The following UHRF1 variants were observed in gnomAD, a reference collection of about 807,000 sequenced individuals.
The protein encoded by UHRF1 is ubiquitin like with PHD and ring finger domains 1, also known as E3 ubiquitin-protein ligase UHRF1.
In UHRF1, 9 loss-of-function variants were observed where a neutral mutation model predicts 96.5. The observed-to-expected ratio is 0.09, with a 90% CI of 0.06 to 0.16. The LOEUF (loss-of-function observed/expected upper bound fraction) is 0.16, where lower values mean the gene tolerates loss of function less well. Ranked by LOEUF, UHRF1 falls within the 10% of genes least tolerant of loss-of-function variation. The pLI is 1.00. For missense variants in UHRF1, 626 were observed against 1,131.1 expected (o/e 0.55, Z 6.40); for synonymous variants, 455 against 469.9 (o/e 0.97, Z 0.41).
chr19:4,955,112 C>T (rs1179284819), intron 15 of UHRF1, among the ~76,000 whole-genome samples: 7 of 152,104 alleles, frequency 4.6e-5, no homozygotes, highest in Non-Finnish European at 8.8e-5. Context: ...AGCTCCGGCA[C>T]CCCCTGCCAT....
chr19:4,956,593 G>T (rs1466883527), intron 15 of UHRF1, 116 bp from the exon 16 acceptor site: 1 of 703,186 alleles, frequency 1.4e-6, no homozygotes, highest in African/African-American at 1.8e-5. Context: ...CCGCCTCCTG[G>T]AGTGAAGGCT....
intron 2 of UHRF1, among the ~76,000 whole-genome samples, chr19:4,917,652 CAAAAAA>C (rs754990585): frequency 5.8e-5 from 2 of 34,350 alleles, no homozygotes; most frequent in East Asian, 1.2e-3. Flanking sequence ...GACTCCGTCT[CAAAAAA>C]AAAAAAAAAA....
intron 1 of UHRF1, 104 bp downstream of exon 1, chr19:4,909,759 C>T: frequency 2.1e-6 from 1 of 480,034 alleles, no homozygotes; most frequent in Non-Finnish European, 3.6e-6. Context: ...CACGCATGTC[C>T]CGCACTCTGT....
chr19:4,957,478 T>G (rs1205349778), intron 16 of UHRF1, among the ~76,000 whole-genome samples: 1 of 151,768 alleles, frequency 6.6e-6, no homozygotes, highest in Non-Finnish European at 1.5e-5. Flanking sequence ...CCGGCTAATT[T>G]TTTGTATTTT....
chr19:4,917,111 G>GTTGTTTTTTT (rs1568408733), intron 2 of UHRF1, among the ~76,000 whole-genome samples: 1 of 77,190 alleles, frequency 1.3e-5, no homozygotes, highest in Non-Finnish European at 2.3e-5. Flanking sequence ...TTAAGTTTTC[G>GTTGTTTTTTT]TTTTTTTTTT....
At chr19:4,956,933 A>G in intron 16 of UHRF1, 120 bp downstream of exon 16, 3 of 743,820 alleles carry the variant, frequency 4.0e-6, no homozygotes. Context: ...CTCACTCTGC[A>G]GCTTTTCTCG....
At chr19:4,948,982 A>G (rs2033646379) in intron 11 of UHRF1, among the ~76,000 whole-genome samples, 1 of 150,376 alleles carries the variant, frequency 6.6e-6, no homozygotes, top group Non-Finnish European at 1.5e-5. Context: ...AAAAAAAAAA[A>G]AAAAAAGCCT....
At chr19:4,909,479 G>A (rs755859294), upstream of UHRF1, 5 of 652,716 alleles carry the variant, frequency 7.7e-6, no homozygotes, top group Admixed American at 4.6e-5. Flanking sequence ...CCCAAATGCC[G>A]AGTTTTCGCG....
intron 2 of UHRF1, among the ~76,000 whole-genome samples, chr19:4,916,672 C>T (rs996212521): frequency 1.3e-5 from 2 of 152,232 alleles, no homozygotes; most frequent in South Asian, 2.1e-4. Flanking sequence ...GGTTCTGTCT[C>T]CTCCGTGTCT....
At chr19:4,905,788 AT>A (rs1257681676), upstream of UHRF1, among the ~76,000 whole-genome samples, 1 of 152,132 alleles carries the variant, frequency 6.6e-6, no homozygotes, top group African/African-American at 2.4e-5. Flanking sequence ...AAGTTCTGGG[AT>A]TACAGGCGTG....
chr19:4,944,584 T>C (rs2251117), intron 9 of UHRF1, 134 bp downstream of exon 9: 237,077 of 931,362 alleles, frequency 0.25, 33,740 homozygotes, highest in East Asian at 0.59. Context: ...AGGAGGGGTG[T>C]GGAAAGCCTG....
chr19:4,953,339 T>G (rs1982468), intron 13 of UHRF1, among the ~76,000 whole-genome samples: 62,381 of 152,056 alleles, frequency 0.41, 14,331 homozygotes, highest in African/African-American at 0.61. Flanking sequence ...TTCCATACGT[T>G]TGGACTGGTG....
intron 1 of UHRF1, among the ~76,000 whole-genome samples, chr19:4,904,017 C>T (rs1049243626): frequency 4.7e-5 from 7 of 150,084 alleles, no homozygotes; most frequent in African/African-American, 1.7e-4. Flanking sequence ...CACTCTGTTG[C>T]CCAGGCTGGA....
intron 5 of UHRF1, 51 bp from the exon 6 acceptor site, chr19:4,941,477 A>G (rs1195779001): frequency 2.0e-6 from 3 of 1,487,624 alleles, no homozygotes; most frequent in Non-Finnish European, 2.8e-6. Flanking sequence ...CTGTGAGTAG[A>G]TTTAGGGGCC....
At chr19:4,922,792 C>T (rs2032743627) in intron 2 of UHRF1, among the ~76,000 whole-genome samples, 1 of 152,204 alleles carries the variant, frequency 6.6e-6, no homozygotes. Flanking sequence ...CAGCCTGGGC[C>T]AGGCCCCATC....
intron 2 of UHRF1, among the ~76,000 whole-genome samples, chr19:4,927,232 T>C (rs967824809): frequency 6.6e-6 from 1 of 151,482 alleles, no homozygotes; most frequent in Non-Finnish European, 1.5e-5. Flanking sequence ...ATACAAAAAT[T>C]AGCTGGGTGT....
At chr19:4,926,283 G>T (rs547637498) in intron 2 of UHRF1, among the ~76,000 whole-genome samples, 1 of 152,188 alleles carries the variant, frequency 6.6e-6, no homozygotes, top group African/African-American at 2.4e-5. Context: ...TGTACAGGTT[G>T]ACGTGCCTCT....
intron 13 of UHRF1, among the ~76,000 whole-genome samples, chr19:4,953,415 T>C (rs746987682): frequency 9.9e-5 from 15 of 152,178 alleles, no homozygotes; most frequent in Non-Finnish European, 1.8e-4. Context: ...ATCTTAGGCT[T>C]CTCTTTAGCA....
upstream of UHRF1, among the ~76,000 whole-genome samples, chr19:4,908,138 G>A (rs988986866): frequency 5.9e-5 from 9 of 152,154 alleles, no homozygotes; most frequent in Non-Finnish European, 5.9e-5. Context: ...CCCAGGAGAC[G>A]CTCCCCAACT....
Sources: gnomAD v4.1 joint callset for allele counts (sites outside exome capture counted in the v4.1 genomes callset) on GRCh38, gnomAD v4.1.1 for gene constraint, MANE v1.5 for transcripts, NCBI Gene and HGNC (gene_info 2026-07-23, HGNC 2026-07-21) for gene names.